Variants in DPYD observed in about 807,000 individuals in gnomAD.
DPYD encodes dihydropyrimidine dehydrogenase.
A neutral mutation model predicts 116.2 loss-of-function variants in DPYD; 109 were observed. The observed-to-expected ratio is 0.94, with a 90% CI of 0.80 to 1.10. The LOEUF (loss-of-function observed/expected upper bound fraction) is 1.10, where lower values mean the gene tolerates loss of function less well. DPYD is among the 50% of genes least tolerant of loss of function. The probability of loss-of-function intolerance (pLI) is 0.00; values close to 1 mark genes in which losing one functional copy is unlikely to be tolerated. For missense variants in DPYD, 1,302 were observed against 1,254.5 expected, an observed-to-expected ratio of 1.04 and a Z score of -0.57; for synonymous variants, 440 against 432.0, an observed-to-expected ratio of 1.02 and a Z score of -0.23.
intron 18 of DPYD, among the ~76,000 whole-genome samples, chr1:97,237,241 C>CAAAAAAAAAAAA (rs58926889): frequency 1.7e-5 from 1 of 57,696 alleles, no homozygotes; most frequent in African/African-American, 6.8e-5. Context: ...GATTCTGTCT[C>CAAAAAAAAAAAA]AAAAAAAAAA....
At chr1:97,353,364 G>A (rs1670247138) in intron 16 of DPYD, among the ~76,000 whole-genome samples, 1 of 152,172 alleles carries the variant, frequency 6.6e-6, no homozygotes, top group Non-Finnish European at 1.5e-5. Context: ...TGTGGTGCTG[G>A]ATGGCGCTCT....
At position 97,193,130 on chromosome 1, in the gene DPYD, G is replaced by C. The variant is rs1378867807; in HGVS notation, c.2561C>G (p.Pro854Arg). Reference sequence around the variant, plus strand: ...CCCTTTCTGGTGACTCACAGTAGCTGGACTCTGTCCATCCCAGTCTTGTAG... The same window carrying C: ...CCCTTTCTGGTGACTCACAGTAGCTCGACTCTGTCCATCCCAGTCTTGTAG... ...EELQDWDGQS[P>R]ATVSHQKGKP... The change falls in exon 20 of 23, where the codon CCA becomes CGA. Residue 854 changes from proline to arginine, a missense_variant. Pro to Arg is a moderately radical substitution (Grantham distance 103). Coordinates refer to ENST00000370192, the MANE Select transcript of DPYD (RefSeq NM_000110.4). 1 of 1,613,872 alleles carries C rather than the reference G, an allele frequency of 6.2e-7. No homozygotes were observed. The highest frequency in any genetic ancestry group is 8.5e-7 in the Non-Finnish European group (1 of 1,179,936).
intron 8 of DPYD, among the ~76,000 whole-genome samples, chr1:97,632,446 T>C (rs574749037): frequency 6.6e-6 from 1 of 152,282 alleles, no homozygotes; most frequent in African/African-American, 2.4e-5. Context: ...TAGAGATAAT[T>C]AGTCATACTA....
At position 97,850,842 on chromosome 1, in the gene DPYD, G is replaced by T. The variant is rs12078571; in HGVS notation, c.151-22646C>A. Among the ~76,000 whole-genome samples, 954 of 151,988 alleles carry T rather than the reference G, an allele frequency of 6.3e-3. 9 individuals carry two copies. The highest frequency in any genetic ancestry group is 0.022 in the African/African-American group (896 of 41,496). On this transcript the variant is annotated intron_variant, in intron 2 of 22. Coordinates refer to ENST00000370192, the MANE Select transcript of DPYD (RefSeq NM_000110.4). ...TAACTCCACCATCTGTTCTATAAAT[G>T]ATATATTAAAAATCAAATCAATGGT... is the stretch of plus-strand genomic sequence containing the variant.
intron 14 of DPYD, among the ~76,000 whole-genome samples, chr1:97,430,586 C>G (rs1180615539): frequency 2.0e-4 from 2 of 9,864 alleles, no homozygotes; most frequent in South Asian, 4.3e-3. Context: ...GAAACTCAGT[C>G]TTGGGAAAAA....
chr1:97,781,105 C>T (rs1024013758), intron 3 of DPYD, among the ~76,000 whole-genome samples: 1 of 152,200 alleles, frequency 6.6e-6, no homozygotes, highest in Non-Finnish European at 1.5e-5. Context: ...ACTCATGATA[C>T]AGCAGTCTTA....
Position 97,549,665 on chromosome 1 carries a change from T to C in DPYD, c.1419A>G (p.Glu473=). ...EVDPETMQTS[E]AWVFAGGDVV... ...CATCACCACCTGCAAATACCCATGC[T>C]TCACTAGTTTGCATAGTTTCTGGAT... is the stretch of plus-strand genomic sequence containing the variant. Residue 473 remains glutamate, a synonymous_variant, in exon 12 of 23, where the codon GAA becomes GAG. Transcript: ENST00000370192. 6.2e-7 allele frequency: 1 copy of C among 1,613,928 alleles called. No homozygotes were observed. The highest frequency in any genetic ancestry group is 1.1e-5 in the South Asian group (1 of 91,082).
intron 18 of DPYD, among the ~76,000 whole-genome samples, chr1:97,268,610 A>T (rs1664381792): frequency 6.6e-6 from 1 of 152,104 alleles, no homozygotes; most frequent in African/African-American, 2.4e-5. Flanking sequence ...GGAGTGATGG[A>T]TCAAGGTGCC....
intron 18 of DPYD, among the ~76,000 whole-genome samples, chr1:97,287,240 G>A (rs1444595038): frequency 3.9e-5 from 6 of 152,088 alleles, no homozygotes; most frequent in African/African-American, 1.4e-4. Context: ...GCAGAACAGC[G>A]GATTTTCATG....
At chr1:97,390,105 T>A (rs1201952773) in intron 14 of DPYD, among the ~76,000 whole-genome samples, 1 of 152,112 alleles carries the variant, frequency 6.6e-6, no homozygotes, top group Admixed American at 6.6e-5. Context: ...CAGGCTGTCT[T>A]GTCAAATTCC....
intron 3 of DPYD, among the ~76,000 whole-genome samples, chr1:97,796,758 T>C (rs1474247752): frequency 6.6e-6 from 1 of 152,136 alleles, no homozygotes; most frequent in Non-Finnish European, 1.5e-5. Context: ...ACTAACTCTG[T>C]GGGAACAATG....
At chr1:97,302,940 C>A (rs1363544266) in intron 18 of DPYD, among the ~76,000 whole-genome samples, 3 of 151,964 alleles carry the variant, frequency 2.0e-5, no homozygotes, top group African/African-American at 7.2e-5. Context: ...AATAATTCCA[C>A]TGACATTCCT....
intron 18 of DPYD, among the ~76,000 whole-genome samples, chr1:97,243,219 T>G (rs1662493450): frequency 6.6e-6 from 1 of 151,904 alleles, no homozygotes; most frequent in Admixed American, 6.6e-5. Context: ...AAGAGCAATT[T>G]TATATGCTCT....
Position 97,148,709 on chromosome 1 carries a change from T to C in DPYD, c.2622+44360A>G, listed in dbSNP as rs1240691203. 3.9e-5 allele frequency among the ~76,000 whole-genome samples: 6 copies of C among 152,316 alleles called. 1 individual carries two copies. The South Asian group carries it at 1.2e-3, about 32-fold the overall frequency. ...TAATTAAAATGAAATGTCATAATAA[T>C]GTCATCCCACATTCTGGTGTCACGA... is the stretch of plus-strand genomic sequence containing the variant. On this transcript the variant is annotated intron_variant, in intron 20 of 22. Coordinates refer to ENST00000370192, the MANE Select transcript of DPYD (RefSeq NM_000110.4).
intron 19 of DPYD, among the ~76,000 whole-genome samples, chr1:97,212,182 A>G (rs1019727869): frequency 2.0e-5 from 3 of 152,098 alleles, no homozygotes; most frequent in South Asian, 2.1e-4. Context: ...CGATATTCCA[A>G]TTACCCAAAA....
chr1:97,355,283 GTT>G (rs1670370211), intron 16 of DPYD, among the ~76,000 whole-genome samples: 1 of 151,712 alleles, frequency 6.6e-6, no homozygotes, highest in Admixed American at 6.6e-5. Flanking sequence ...AAAAATTATT[GTT>G]GTATATATTT....
intron 18 of DPYD, among the ~76,000 whole-genome samples, chr1:97,263,852 A>G (rs1306736131): frequency 6.6e-6 from 1 of 152,092 alleles, no homozygotes; most frequent in African/African-American, 2.4e-5. Context: ...AAACAAACAA[A>G]ATAAACCCTA....
At chr1:97,428,997 T>G (rs1022886314) in intron 14 of DPYD, among the ~76,000 whole-genome samples, 2 of 152,052 alleles carry the variant, frequency 1.3e-5, no homozygotes, top group African/African-American at 4.8e-5. Context: ...AAAATATCAG[T>G]TCAGGAAAAT....
chr1:97,458,973 T>A (rs1321248382), intron 13 of DPYD, among the ~76,000 whole-genome samples: 1 of 151,966 alleles, frequency 6.6e-6, no homozygotes, highest in African/African-American at 2.4e-5. Flanking sequence ...AAAAAAGATA[T>A]CATAGGTGGG....
Sources: gnomAD v4.1 joint callset for allele counts (sites outside exome capture counted in the v4.1 genomes callset) on GRCh38, gnomAD v4.1.1 for gene constraint, MANE v1.5 for transcripts, NCBI Gene and HGNC (gene_info 2026-07-23, HGNC 2026-07-21) for gene names.